POLR2F: variants seen among roughly 807,000 people sequenced by gnomAD.
POLR2F encodes the protein DNA-directed RNA polymerases I, II, and III subunit RPABC2.
In POLR2F, 12 loss-of-function variants were observed where a neutral mutation model predicts 22.7. That is an observed-to-expected ratio of 0.53 (90% CI 0.34 to 0.86). The LOEUF (loss-of-function observed/expected upper bound fraction) is 0.86, where lower values mean the gene tolerates loss of function less well. POLR2F is among the 40% of genes least tolerant of loss of function. The probability of loss-of-function intolerance (pLI) is 0.02; values close to 1 mark genes in which losing one functional copy is unlikely to be tolerated. For synonymous variants in POLR2F, 57 were observed against 66.0 expected, an observed-to-expected ratio of 0.86 and a Z score of 0.66; for missense variants, 126 against 171.5, an observed-to-expected ratio of 0.73 and a Z score of 1.48.
chr22:37,985,477 T>C (rs1457453875), upstream of POLR2F, among the ~76,000 whole-genome samples: 1 of 152,122 alleles, frequency 6.6e-6, no homozygotes, highest in Non-Finnish European at 1.5e-5. Flanking sequence ...TGACACCTTT[T>C]TCTCTCTCTT....
At chr22:38,002,089 A>G (rs1424314361) in intron 1 of POLR2F, among the ~76,000 whole-genome samples, 6 of 151,410 alleles carry the variant, frequency 4.0e-5, no homozygotes, top group Admixed American at 3.9e-4. Context: ...ACCTCGGGTG[A>G]TCCATCCACC....
rs1330360976 is a variant in POLR2F, at chr22:38,031,795, C to T, written c.453-9273C>T. Among the ~76,000 whole-genome samples the T allele has an allele frequency of 6.6e-6, 1 of 152,158 alleles. No homozygotes were observed. The highest frequency in any genetic ancestry group is 1.5e-5 in the Non-Finnish European group (1 of 68,028). On this transcript the variant is annotated intron_variant, in intron 5 of 5. Coordinates refer to the POLR2F transcript ENST00000407936. The surrounding 1 kb of genome is among the most constrained non-coding windows in gnomAD (Gnocchi z 4.1). ...CCCGCTTCCCTGCCCCATCAACGGC[C>T]CCACTGTTCTCCAGTGACCCAGGCA...
Position 38,016,426 on chromosome 22 carries a change from C to T in POLR2F, c.121-9443C>T, listed in dbSNP as rs964078894. ...ACACACGCCCCCATCCGCCACCTCC[C>T]AGAGAAGGGACCATTGTGTCCGAAG... On this transcript the variant is annotated intron_variant, in intron 1 of 2. Coordinates refer to the POLR2F transcript ENST00000333418. This position sits in a 1 kb window ranked among gnomAD's most constrained non-coding sequence, Gnocchi z 4.4. 1.3e-5 allele frequency among the ~76,000 whole-genome samples: 2 copies of T among 152,224 alleles called. No homozygotes were observed. The highest frequency in any genetic ancestry group is 2.9e-5 in the Non-Finnish European group (2 of 68,044).
intron 1 of POLR2F, chr22:37,987,209 C>A: frequency 2.2e-6 from 1 of 456,200 alleles, no homozygotes; most frequent in South Asian, 1.5e-5. Flanking sequence ...GGTGGAAATC[C>A]AGGCTTCCTT....
chr22:37,967,790 T>C lies in POLR2F; in HGVS notation c.*75T>C. The C allele has an allele frequency of 6.5e-7, 1 of 1,536,358 alleles. No individual in the cohort carries two copies. Among genetic ancestry groups the C allele is most frequent in the East Asian group, 2.3e-5 (1 of 43,240 alleles). ...TTTATATGTGTAAATAATAAAATAT[T>C]CAACTTTCCAACCCCCTTCCCCTCT... is the stretch of plus-strand genomic sequence containing the variant. On this transcript the variant is annotated 3_prime_UTR_variant, in exon 5 of 5. Transcript: ENST00000442738.
Position 37,967,661 on chromosome 22 carries a change from GC to G in POLR2F, c.332del (p.Pro111GlnfsTer168). The G allele has an allele frequency of 6.2e-7, 1 of 1,613,832 alleles. No individual in the cohort carries two copies. The highest frequency in any genetic ancestry group is 2.2e-5 in the East Asian group (1 of 44,894). ...TCCCCATCATCATTCGCCGTTACCT[GC>G]CAGATGGGAGCTATGAAGACTGGGG... ...KIPIIIRRYLPDGSYEDWGVD... is the reference protein window; with the variant it reads ...KIPIIIRRYLXDGSYEDWGVD... On this transcript the variant is annotated frameshift_variant, in exon 5 of 5. Coordinates refer to ENST00000442738, the MANE Select transcript of POLR2F (RefSeq NM_021974.5). LOFTEE classifies it high-confidence loss of function.
chr22:37,966,837 A>T (rs1436979215), intron 3 of POLR2F, among the ~76,000 whole-genome samples: 1 of 152,172 alleles, frequency 6.6e-6, no homozygotes, highest in Non-Finnish European at 1.5e-5. Context: ...CTGGGGTTGG[A>T]GCAGTTAGAA....
rs996711363 is a variant in POLR2F, at chr22:37,968,657, G to T, written c.*942G>T. On this transcript the variant is annotated 3_prime_UTR_variant, in exon 5 of 5. Transcript: ENST00000442738. ...GCTCCTCCCTCCTAGAGGGGGTCAG[G>T]GGGAGGGTGTATATTGACATGAACA... 10 of 985,310 alleles carry T rather than the reference G, an allele frequency of 1.0e-5. No individual in the cohort carries two copies. Among genetic ancestry groups the T allele is most frequent in the Non-Finnish European group, 6.0e-6 (5 of 829,938 alleles). 61.0% of individuals were successfully genotyped at this position (985,310 alleles called of 1,614,324 possible). A position where few individuals can be genotyped will look rare whatever the true frequency, so the allele number is the denominator to read the frequency against.
At chr22:38,018,955 G>C (rs1381569934) in intron 1 of POLR2F, among the ~76,000 whole-genome samples, 1 of 152,202 alleles carries the variant, frequency 6.6e-6, no homozygotes, top group Non-Finnish European at 1.5e-5. Flanking sequence ...GGAGAACCAG[G>C]CCATTGGCCT....
chr22:37,983,485 G>A, upstream of POLR2F: 12 of 1,611,764 alleles, frequency 7.4e-6, no homozygotes, highest in Non-Finnish European at 1.0e-5. This position sits in a 1 kb window ranked among gnomAD's most constrained non-coding sequence, Gnocchi z 9.5. Flanking sequence ...CGTGCGGCTT[G>A]CTTTTGCTGG....
At chr22:37,981,239 T>C (rs3026647), upstream of POLR2F, among the ~76,000 whole-genome samples, 1,510 of 152,292 alleles carry the variant, frequency 9.9e-3, 29 homozygotes, top group African/African-American at 0.035. Context: ...AGTCACAGCT[T>C]GGGGAGGTTT....
chr22:38,006,683 C>A (rs1186671465), intron 1 of POLR2F, among the ~76,000 whole-genome samples: 1 of 152,178 alleles, frequency 6.6e-6, no homozygotes, highest in South Asian at 2.1e-4. Flanking sequence ...ACAGACCCCC[C>A]AGGAAGGGCC....
downstream of POLR2F, chr22:37,972,842 A>ATT (rs1388936978): frequency 6.5e-6 from 1 of 153,672 alleles, no homozygotes; most frequent in East Asian, 1.9e-4. Context: ...TCAGACAAAG[A>ATT]ATGAGGTTAT....
intron 1 of POLR2F, chr22:37,987,338 G>T (rs1932612377): frequency 2.2e-6 from 1 of 455,060 alleles, no homozygotes; most frequent in Non-Finnish European, 4.4e-6. Flanking sequence ...GGAGAGGAAA[G>T]GAATACCTGT....
In POLR2F at chr22:37,978,313, TGAGGCCCAAGGAATAACAGCCTCAGAGG is replaced by T. The variant is rs1356070598; in HGVS notation, c.293+11145_293+11172del. Among the ~76,000 whole-genome samples, 1 of 152,184 alleles carries T rather than the reference TGAGGCCCAAGGAATAACAGCCTCAGAGG, an allele frequency of 6.6e-6. No individual in the cohort carries two copies. The highest frequency in any genetic ancestry group is 6.5e-5 in the Admixed American group (1 of 15,278). ...CCTATGATTTGTGGACTGAGAGATGTGAGGCCCAAGGAATAACAGCCTCAGAGGGCTGCCCCCAAATCTTTCATGGGCT... is the reference window on the plus strand; with the variant it reads ...CCTATGATTTGTGGACTGAGAGATGTGCTGCCCCCAAATCTTTCATGGGCT... On this transcript the variant is annotated intron_variant, in intron 4 of 4. Coordinates refer to the POLR2F transcript ENST00000405557. The surrounding 1 kb of genome is among the most constrained non-coding windows in gnomAD (Gnocchi z 5.0).
intron 1 of POLR2F, among the ~76,000 whole-genome samples, chr22:37,991,276 C>T (rs1932722514): frequency 6.6e-6 from 1 of 152,128 alleles, no homozygotes; most frequent in African/African-American, 2.4e-5. Context: ...TGCCACCATG[C>T]CCGGCTAGTT....
downstream of POLR2F, chr22:38,041,427 G>A (rs1002936561): frequency 2.4e-5 from 9 of 369,362 alleles, no homozygotes; most frequent in African/African-American, 8.1e-5. Flanking sequence ...AGGGGAGGGC[G>A]GAATGAGCTC....
Position 37,997,416 on chromosome 22 carries a change from C to G in POLR2F, c.120+11104C>G, listed in dbSNP as rs4821727. On this transcript the variant is annotated intron_variant, in intron 1 of 2. Coordinates refer to the POLR2F transcript ENST00000333418. The surrounding 1 kb of genome is among the most constrained non-coding windows in gnomAD (Gnocchi z 4.4). The stretch of plus-strand genomic sequence containing the variant: ...GTCCTGGCCCTCCTGCCCTGGCTCC[C>G]TGTCTCTCTCCAGCCCTGTCTCTGT... Among the ~76,000 whole-genome samples the G allele has an allele frequency of 6.6e-6, 1 of 151,632 alleles. No individual in the cohort carries two copies. Among genetic ancestry groups the G allele is most frequent in the Admixed American group, 6.6e-5 (1 of 15,240 alleles).
intron 1 of POLR2F, among the ~76,000 whole-genome samples, chr22:38,000,036 G>A (rs574768533): frequency 6.6e-5 from 10 of 152,298 alleles, no homozygotes; most frequent in African/African-American, 2.2e-4. Context: ...TGGTTTTGGC[G>A]AGGGTGAGCT....
Sources: allele counts gnomAD v4.1 joint callset (sites outside exome capture counted in the v4.1 genomes callset), GRCh38; gene constraint gnomAD v4.1.1; non-coding constraint Gnocchi (gnomAD v3.1); transcripts MANE v1.5; gene names NCBI Gene and HGNC (gene_info 2026-07-23, HGNC 2026-07-21).